Variants in ZNF529 observed in about 807,000 individuals in gnomAD.
The protein encoded by ZNF529 is zinc finger protein 529.
In ZNF529, 11 loss-of-function variants were observed where a neutral mutation model predicts 10.1. The ratio of observed to expected loss-of-function variants is 1.09; its 90% confidence interval spans 0.69 to 1.81. The LOEUF is 1.81. Among genes scored for constraint, ZNF529 ranks in the 40% most tolerant of loss-of-function variants. The probability of loss-of-function intolerance (pLI) is 0.00; values close to 1 mark genes in which losing one functional copy is unlikely to be tolerated. For synonymous variants in ZNF529, 204 were observed against 215.7 expected (o/e 0.95, Z 0.47); for missense variants, 624 against 666.8 (o/e 0.94, Z 0.71).
chr19:36,553,565 TA>T (rs1456871317), intron 4 of ZNF529, among the ~76,000 whole-genome samples: 1 of 152,186 alleles, frequency 6.6e-6, no homozygotes, highest in Non-Finnish European at 1.5e-5. Context: ...AATTTAATGT[TA>T]AATGTAAAGT....
intron 1 of ZNF529, among the ~76,000 whole-genome samples, chr19:36,591,009 G>T (rs2036696767): frequency 6.6e-6 from 1 of 150,586 alleles, no homozygotes; most frequent in South Asian, 2.1e-4. Flanking sequence ...TTACATGAAA[G>T]AACTTATCAC....
intron 1 of ZNF529, among the ~76,000 whole-genome samples, chr19:36,601,295 G>T (rs1334924867): frequency 1.3e-5 from 2 of 151,438 alleles, no homozygotes; most frequent in African/African-American, 2.4e-5. Flanking sequence ...TAGTAGAAAT[G>T]GAGTTTCACC....
Position 36,543,718 on chromosome 19 carries a change from CAT to C in ZNF529, c.*3146_*3147del, listed in dbSNP as rs1027082342. 8 of 152,060 alleles carry C rather than the reference CAT, an allele frequency of 5.3e-5. No individual in the cohort carries two copies. Among genetic ancestry groups the C allele is most frequent in the Non-Finnish European group, 1.2e-4 (8 of 68,028 alleles). 9.4% of individuals were successfully genotyped at this position (152,060 alleles called of 1,614,324 possible). ...CTCTCTTGGCTTCTCCTTGTGTCCT[CAT>C]GTGGACTTTCCTTTGTGTGTGAGCA... On this transcript the variant is annotated 3_prime_UTR_variant, in exon 5 of 5. Transcript: ENST00000591340.
intron 2 of ZNF529, among the ~76,000 whole-genome samples, chr19:36,559,572 G>T (rs567591332): frequency 6.6e-6 from 1 of 152,326 alleles, no homozygotes; most frequent in East Asian, 1.9e-4. Flanking sequence ...CTCCCGAAGT[G>T]CCGGAATTAC....
chr19:36,576,250 G>A (rs2036314663), upstream of ZNF529, among the ~76,000 whole-genome samples: 1 of 152,172 alleles, frequency 6.6e-6, no homozygotes, highest in Non-Finnish European at 1.5e-5. Flanking sequence ...AGCTATGGCT[G>A]AGAATGAATG....
chr19:36,584,696 G>A lies in ZNF529; in HGVS notation c.-41+4919C>T, dbSNP rs77816145. Among the ~76,000 whole-genome samples the A allele has an allele frequency of 5.5e-3, 830 of 151,872 alleles. 22 individuals are homozygous for A. Among genetic ancestry groups the A allele is most frequent in the Admixed American group, 0.037 (564 of 15,256 alleles). On this transcript the variant is annotated intron_variant, in intron 2 of 4. Coordinates refer to the ZNF529 transcript ENST00000585960. Reference sequence around the variant, plus strand: ...GCAAGATAATCGCTTGAACCCAGGAGGTGGTGGTTGCAGTGAACCGAGATT... The same window carrying A: ...GCAAGATAATCGCTTGAACCCAGGAAGTGGTGGTTGCAGTGAACCGAGATT...
At position 36,554,731 on chromosome 19, in the gene ZNF529, A is replaced by C; in HGVS notation, c.174T>G (p.Ser58=). The C allele has an allele frequency of 1.9e-6, 3 of 1,578,430 alleles. No individual in the cohort carries two copies. The highest frequency in any genetic ancestry group is 2.6e-6 in the Non-Finnish European group (3 of 1,161,150). Residue 58 remains serine, a synonymous_variant, in exon 4 of 5, where the codon TCT becomes TCG. Coordinates refer to ENST00000591340, the MANE Select transcript of ZNF529 (RefSeq NM_020951.5). ...CATCCCAGTACAAGTTCCTCTGAGC[A>C]GAATCCAGATATTCCCATTCCTCCT... The part of the protein sequence containing the change: ...FSQEEWEYLD[S]AQRNLYWDVM...
At chr19:36,548,938 G>A (rs1387772788) in intron 4 of ZNF529, among the ~76,000 whole-genome samples, 1 of 152,172 alleles carries the variant, frequency 6.6e-6, no homozygotes, top group Non-Finnish European at 1.5e-5. Context: ...AGGAGGTGGA[G>A]GCTGCAGGGA....
chr19:36,548,779 G>A (rs991528837), intron 4 of ZNF529, among the ~76,000 whole-genome samples: 6 of 152,166 alleles, frequency 3.9e-5, no homozygotes, highest in Non-Finnish European at 7.4e-5. Context: ...CTAGCACTCT[G>A]GGAGGGCAAG....
chr19:36,594,896 TG>T (rs1449850870), intron 1 of ZNF529, among the ~76,000 whole-genome samples: 1 of 151,306 alleles, frequency 6.6e-6, no homozygotes, highest in Non-Finnish European at 1.5e-5. Flanking sequence ...TTTTTTTTTT[TG>T]AGATGGAGTC....
At chr19:36,567,952 C>G (rs778478470) in intron 2 of ZNF529, among the ~76,000 whole-genome samples, 1 of 152,096 alleles carries the variant, frequency 6.6e-6, no homozygotes, top group Non-Finnish European at 1.5e-5. Flanking sequence ...ATAAAAACTC[C>G]TACAACTCAG....
At chr19:36,577,505 T>C (rs1245636168), upstream of ZNF529, 1 of 156,040 alleles carries the variant, frequency 6.4e-6, no homozygotes, top group Non-Finnish European at 1.4e-5. Flanking sequence ...TTTTTTTTTT[T>C]TTTGAGACAG....
chr19:36,586,250 T>C (rs1292438438), intron 2 of ZNF529, among the ~76,000 whole-genome samples: 4 of 152,144 alleles, frequency 2.6e-5, no homozygotes, highest in Non-Finnish European at 5.9e-5. Flanking sequence ...CTTTAAAAAA[T>C]ATGGAGATGT....
chr19:36,602,454 T>C (rs1389502834), intron 1 of ZNF529, among the ~76,000 whole-genome samples: 1 of 152,182 alleles, frequency 6.6e-6, no homozygotes, highest in Non-Finnish European at 1.5e-5. Flanking sequence ...TTTTTTTTTT[T>C]TTCGTGGTCA....
Position 36,547,149 on chromosome 19 carries a change from C to T in ZNF529, c.1409G>A (p.Arg470Lys), listed in dbSNP as rs972898208. The change falls in exon 5 of 5, where the codon AGA becomes AAA. Residue 470 changes from arginine (R) to lysine (K), a missense_variant. Physicochemically the swap from Arg to Lys is conservative, Grantham distance 26 (BLOSUM62 2). Transcript: ENST00000591340. ...RLTSALIQHQ[R>K]IHSGEKPYEC... ...ATAAGGTTTCTCACCACTATGAATT[C>T]TTTGATGTTGAATAAGGGCTGACGT... 34 of 1,613,640 alleles carry T rather than the reference C, an allele frequency of 2.1e-5. No homozygotes were observed. The highest frequency in any genetic ancestry group is 3.3e-4 in the Middle Eastern group (2 of 6,076).
At chr19:36,551,209 A>G (rs748214131) in intron 4 of ZNF529, among the ~76,000 whole-genome samples, 34 of 152,246 alleles carry the variant, frequency 2.2e-4, no homozygotes, top group Non-Finnish European at 4.0e-4. Flanking sequence ...AGGGGAAAAA[A>G]GTTTATGTAC....
At position 36,547,704 on chromosome 19, in the gene ZNF529, G is replaced by A. The variant is rs751484653; in HGVS notation, c.854C>T (p.Ser285Leu). 7 of 1,613,784 alleles carry A rather than the reference G, an allele frequency of 4.3e-6. No individual in the cohort carries two copies. In the South Asian group the frequency reaches 4.4e-5, roughly 10 times the overall value. The change falls in exon 5 of 5, where the codon TCA becomes TTA. Residue 285 changes from serine (S) to leucine (L), a missense_variant. Ser to Leu is a moderately radical substitution (Grantham distance 145, BLOSUM62 -2). Transcript: ENST00000591340. Reference sequence around the variant, plus strand: ...CACTCTAAAGGATTTCCCACAGAATGAGCATTCAAAGTGTTTCTCACCATC... The same window carrying A: ...CACTCTAAAGGATTTCCCACAGAATAAGCATTCAAAGTGTTTCTCACCATC... ...VHDGEKHFEC[S>L]FCGKSFRVHA...
intron 2 of ZNF529, among the ~76,000 whole-genome samples, chr19:36,588,973 C>G (rs548274321): frequency 4.4e-4 from 66 of 148,440 alleles, no homozygotes; most frequent in African/African-American, 1.6e-3. Flanking sequence ...GACAGGATCA[C>G]GCTCTGTCAC....
Position 36,547,628 on chromosome 19 carries a change from G to A in ZNF529, c.930C>T (p.Tyr310=). The A allele has an allele frequency of 1.2e-6, 2 of 1,613,680 alleles. No individual in the cohort carries two copies. Among genetic ancestry groups the A allele is most frequent in the Non-Finnish European group, 1.7e-6 (2 of 1,179,740 alleles). The change falls in exon 5 of 5, where the codon TAC becomes TAT. Residue 310 remains tyrosine (Y), a synonymous_variant. Transcript: ENST00000591340. ...AGTCCTTGCCACATTCCATACATTT[G>A]TAAGTTTTCTCATCAGTATGGATTT... The part of the protein sequence containing the change: ...HQKIHTDEKT[Y]KCMECGKDFR...
Sources: gnomAD v4.1 joint callset for allele counts (sites outside exome capture counted in the v4.1 genomes callset) on GRCh38, gnomAD v4.1.1 for gene constraint, MANE v1.5 for transcripts, NCBI Gene and HGNC (gene_info 2026-07-23, HGNC 2026-07-21) for gene names.